The following BDP1 variants were observed in gnomAD, a reference collection of about 807,000 sequenced individuals.
The protein encoded by BDP1 is transcription factor TFIIIB component B'' homolog.
A neutral mutation model predicts 266.6 loss-of-function variants in BDP1; 169 were observed. The observed-to-expected ratio is 0.63, with a 90% CI of 0.56 to 0.72. The LOEUF is 0.72. BDP1 is among the 30% of genes least tolerant of loss of function. The probability of loss-of-function intolerance (pLI) is 0.00; values close to 1 mark genes in which losing one functional copy is unlikely to be tolerated. For missense variants in BDP1, 3,015 were observed against 3,053.8 expected (o/e 0.99, Z 0.30); for synonymous variants, 1,090 against 1,022.4 (o/e 1.07, Z -1.26).
chr5:71,474,405 C>T (rs967596205), intron 7 of BDP1, among the ~76,000 whole-genome samples: 2 of 151,702 alleles, frequency 1.3e-5, no homozygotes, highest in African/African-American at 2.4e-5. Context: ...TGACTGCAAA[C>T]TCCACCTCCC....
At position 71,554,679 on chromosome 5, in the gene BDP1, G is replaced by C. The variant is rs569443631; in HGVS notation, c.7200+1359G>C. ...CCATTTAAAAAATGGTAGTTATACA[G>C]TGGTGTGAATATGTAAGAAAAGTAT... On this transcript the variant is annotated intron_variant, in intron 35 of 38. Transcript: ENST00000358731. Among the ~76,000 whole-genome samples, 10 of 152,312 alleles carry C rather than the reference G, an allele frequency of 6.6e-5. No individual in the cohort carries two copies. The South Asian group carries it at 8.3e-4, about 13-fold the overall frequency.
At position 71,552,604 on chromosome 5, in the gene BDP1, G is replaced by A. The variant is rs147396857; in HGVS notation, c.6996-512G>A. On this transcript the variant is annotated intron_variant, in intron 34 of 38. Transcript: ENST00000358731. ...AGGCCGAGGCCGGCGGATCACTCGCGGTTAGGAGCTGGAGACCAGCCCCGC... is the reference window on the plus strand; with the variant it reads ...AGGCCGAGGCCGGCGGATCACTCGCAGTTAGGAGCTGGAGACCAGCCCCGC... 5.5e-3 allele frequency among the ~76,000 whole-genome samples: 834 copies of A among 152,360 alleles called. 5 individuals carry two copies. Among genetic ancestry groups the A allele is most frequent in the African/African-American group, 0.019 (795 of 41,590 alleles).
Position 71,495,302 on chromosome 5 carries a change from T to G in BDP1, c.1693T>G (p.Ser565Ala). Residue 565 changes from serine to alanine, a missense_variant, in exon 12 of 39, where the codon TCA (serine) becomes GCA (alanine). Transcript: ENST00000358731. ...VATESSESST[S>A]DLPSFEVGIR... The stretch of plus-strand genomic sequence containing the variant: ...AACTGAGTCTTCAGAATCAAGCACT[T>G]CAGATTTGCCTTCATTCGAAGTTGG... 6.2e-7 allele frequency: 1 copy of G among 1,606,336 alleles called. No homozygotes were observed. The highest frequency in any genetic ancestry group is 8.5e-7 in the Non-Finnish European group (1 of 1,175,606).
intron 21 of BDP1, among the ~76,000 whole-genome samples, chr5:71,516,644 T>G (rs1247884615): frequency 1.3e-5 from 2 of 152,238 alleles, no homozygotes; most frequent in Non-Finnish European, 2.9e-5. Context: ...TATAACTTTC[T>G]GTTATTCACT....
chr5:71,525,446 AC>A (rs1456144360), intron 25 of BDP1, among the ~76,000 whole-genome samples: 5 of 49,214 alleles, frequency 1.0e-4, no homozygotes, highest in Non-Finnish European at 1.2e-4. Context: ...GGGGGCTGAC[AC>A]CCCCCACCTC....
At position 71,539,265 on chromosome 5, in the gene BDP1, G is replaced by A. The variant is rs75933082; in HGVS notation, c.5929+187G>A. On this transcript the variant is annotated intron_variant, in intron 27 of 38. Coordinates refer to ENST00000358731, the MANE Select transcript of BDP1 (RefSeq NM_018429.3). ...ATTTTAGAAGGTGAATTAAAAAAAT[G>A]TTTAAGAAGTATTTGAGCATTTCCT... Among the ~76,000 whole-genome samples, 2,230 of 152,274 alleles carry A rather than the reference G, an allele frequency of 0.015. 46 individuals are homozygous for A. Among genetic ancestry groups the A allele is most frequent in the African/African-American group, 0.051 (2,122 of 41,548 alleles).
At chr5:71,461,333 G>T (rs1761547071) in intron 2 of BDP1, among the ~76,000 whole-genome samples, 1 of 151,940 alleles carries the variant, frequency 6.6e-6, no homozygotes, top group African/African-American at 2.4e-5. Context: ...TCTAAATACT[G>T]CCTGGGTGTG....
rs377746968 is a variant in BDP1 at position 71,536,186 on chromosome 5, TG to T, written c.5893-2855del. ...TTTTCATAATTGAGATTTTATTGGT[TG>T]TGTTGAGGATCAGTACACAATTCTT... is the stretch of plus-strand genomic sequence containing the variant. On this transcript the variant is annotated intron_variant, in intron 26 of 38. Coordinates refer to ENST00000358731, the MANE Select transcript of BDP1 (RefSeq NM_018429.3). Among the ~76,000 whole-genome samples, 15 of 152,298 alleles carry T rather than the reference TG, an allele frequency of 9.8e-5. 1 individual carries two copies. The highest frequency in any genetic ancestry group is 3.6e-4 in the African/African-American group (15 of 41,560).
In BDP1 at chr5:71,560,075, A is replaced by G; in HGVS notation, c.7334A>G (p.Gln2445Arg). 1 of 1,614,094 alleles carries G rather than the reference A, an allele frequency of 6.2e-7. No individual in the cohort carries two copies. The highest frequency in any genetic ancestry group is 8.5e-7 in the Non-Finnish European group (1 of 1,180,006). The stretch of plus-strand genomic sequence containing the variant: ...AGACAGCAAGTTGAAGCAGCTTTTC[A>G]GAGTAGAGGATCTAGATCTCCTGAT... ...PQRQQVEAAFQSRGSRSPDAC... is the reference protein window; with the variant it reads ...PQRQQVEAAFRSRGSRSPDAC... The change falls in exon 37 of 39, where the codon CAG (glutamine) becomes CGG (arginine). Residue 2445 changes from glutamine (Q) to arginine (R), a missense_variant. By Grantham distance (43) the Gln-to-Arg change is conservative. Around this residue, in one of 3 missense-constraint regions of BDP1, gnomAD observed 629 missense variants for 632.5 expected, o/e 0.99. Coordinates refer to ENST00000358731, the MANE Select transcript of BDP1 (RefSeq NM_018429.3).
At position 71,455,807 on chromosome 5, in the gene BDP1, T is replaced by C; in HGVS notation, c.-71T>C. ...GGAGGGCGTAGTTCCTAATCCCCTTTCCGGGCAGCCGCCGGGGCTCGGGGC... is the reference window on the plus strand; with the variant it reads ...GGAGGGCGTAGTTCCTAATCCCCTTCCCGGGCAGCCGCCGGGGCTCGGGGC... On this transcript the variant is annotated 5_prime_UTR_variant, in exon 1 of 39. Transcript: ENST00000358731. 7.2e-7 allele frequency: 1 copy of C among 1,380,738 alleles called. No homozygotes were observed. The highest frequency in any genetic ancestry group is 2.5e-5 in the East Asian group (1 of 40,006). 85.5% of individuals were successfully genotyped at this position (1,380,738 alleles called of 1,614,324 possible). A position where few individuals can be genotyped will look rare whatever the true frequency, so the allele number is the denominator to read the frequency against.
At position 71,564,106 on chromosome 5, in the gene BDP1, A is replaced by G. The variant is rs910966127; in HGVS notation, c.7744-648A>G. On this transcript the variant is annotated intron_variant, in intron 38 of 38. Transcript: ENST00000358731. ...GTTATATAGTTGTCCAACATCATTTATTTAATAATACAATAACTGTTTTTG... is the reference window on the plus strand; with the variant it reads ...GTTATATAGTTGTCCAACATCATTTGTTTAATAATACAATAACTGTTTTTG... 1.1e-4 allele frequency among the ~76,000 whole-genome samples: 16 copies of G among 152,218 alleles called. 1 individual carries two copies. The highest frequency in any genetic ancestry group is 3.6e-4 in the African/African-American group (15 of 41,538).
chr5:71,544,947 T>C lies in BDP1; in HGVS notation c.6564-92T>C, dbSNP rs139574339. 45 of 1,019,350 alleles carry C rather than the reference T, an allele frequency of 4.4e-5. No homozygotes were observed. The African/African-American group carries it at 6.3e-4, about 14-fold the overall frequency. The allele number at this position is 1,019,350 out of a possible 1,614,324, so 63.1% of individuals were successfully genotyped here. A position where few individuals can be genotyped will look rare whatever the true frequency, so the allele number is the denominator to read the frequency against. On this transcript the variant is annotated intron_variant, in intron 31 of 38. Coordinates refer to ENST00000358731, the MANE Select transcript of BDP1 (RefSeq NM_018429.3). ...ATATGTTTTAAAAGTTTGAAAACCA[T>C]TGAATTAGATGATCTTTTACACACC... is the stretch of plus-strand genomic sequence containing the variant.
intron 35 of BDP1, among the ~76,000 whole-genome samples, chr5:71,553,799 T>G (rs890607809): frequency 6.6e-6 from 1 of 152,216 alleles, no homozygotes; most frequent in African/African-American, 2.4e-5. Context: ...GTCTCTAGTC[T>G]CATTTTGTGC....
chr5:71,476,361 A>T (rs1319578783), intron 7 of BDP1: 1 of 152,216 alleles, frequency 6.6e-6, no homozygotes, highest in Non-Finnish European at 1.5e-5. Flanking sequence ...GATACAGATG[A>T]AGAGATTCAT....
In BDP1 at chr5:71,458,561, CTTTTT is replaced by C; in HGVS notation, c.213-16_213-12del. 6.5e-7 allele frequency: 1 copy of C among 1,542,942 alleles called. No individual in the cohort carries two copies. The highest frequency in any genetic ancestry group is 1.3e-5 in the South Asian group (1 of 79,208). On this transcript the variant is annotated splice_polypyrimidine_tract_variant and intron_variant, in intron 1 of 38. Transcript: ENST00000358731. The stretch of plus-strand genomic sequence containing the variant: ...AGAAGATTCATGTGCCCTCTTTTTT[CTTTTT>C]TAATTTCAACAGTACTGAAAAGACT...
intron 9 of BDP1, among the ~76,000 whole-genome samples, chr5:71,487,049 G>A (rs1408091715): frequency 1.3e-5 from 2 of 152,158 alleles, no homozygotes; most frequent in African/African-American, 4.8e-5. Flanking sequence ...GAAGGCTAAT[G>A]TTGAGTTGTA....
At position 71,512,275 on chromosome 5, in the gene BDP1, C is replaced by T; in HGVS notation, c.4094C>T (p.Thr1365Ile). Residue 1365 changes from threonine to isoleucine, a missense_variant, in exon 18 of 39, where the codon ACA (threonine) becomes ATA (isoleucine). Around this residue, in one of 3 missense-constraint regions of BDP1, gnomAD observed 2,383 missense variants for 2,404.9 expected, o/e 0.99. Transcript: ENST00000358731. Reference sequence around the variant, plus strand: ...AGTGAAGTACTGTCGATGATGCATACACCTGTAGAAGAAAAAAGAAATTCT... The same window carrying T: ...AGTGAAGTACTGTCGATGATGCATATACCTGTAGAAGAAAAAAGAAATTCT... ...ISSEVLSMMH[T>I]PVEEKRNSEK... The T allele has an allele frequency of 3.2e-6, 5 of 1,578,348 alleles. No individual in the cohort carries two copies. Among genetic ancestry groups the T allele is most frequent in the Non-Finnish European group, 4.3e-6 (5 of 1,167,836 alleles).
chr5:71,515,171 T>C, intron 20 of BDP1, 49 bp downstream of exon 20: 2 of 1,346,814 alleles, frequency 1.5e-6, no homozygotes, highest in Non-Finnish European at 2.0e-6. Flanking sequence ...GATACTTCTT[T>C]TAAATATTTC....
At chr5:71,531,277 AATAAG>A (rs1443668566) in intron 25 of BDP1, among the ~76,000 whole-genome samples, 1 of 152,154 alleles carries the variant, frequency 6.6e-6, no homozygotes, top group South Asian at 2.1e-4. Context: ...AAAACAAAAA[AATAAG>A]ATAATAAGAA....
Sources: allele counts gnomAD v4.1 joint callset (sites outside exome capture counted in the v4.1 genomes callset), GRCh38; gene constraint gnomAD v4.1.1; regional missense constraint gnomAD v4.1.1; transcripts MANE v1.5; gene names NCBI Gene and HGNC (gene_info 2026-07-23, HGNC 2026-07-21).